Variants in ZNF280D observed in about 807,000 individuals in gnomAD.
The protein encoded by ZNF280D is suppressor of hairy wing homolog 4.
In ZNF280D, 39 loss-of-function variants were observed where a neutral mutation model predicts 94.7. The observed-to-expected ratio is 0.41, with a 90% confidence interval of 0.32 to 0.54. ZNF280D has a LOEUF of 0.54. ZNF280D is among the 20% of genes least tolerant of loss of function. ZNF280D has a pLI of 0.22. For missense variants in ZNF280D, 1,090 were observed against 1,149.3 expected, an observed-to-expected ratio of 0.95 and a Z score of 0.75; for synonymous variants, 398 against 377.6, an observed-to-expected ratio of 1.05 and a Z score of -0.63.
intron 16 of ZNF280D, among the ~76,000 whole-genome samples, chr15:56,660,168 C>T (rs1398312545): frequency 6.6e-6 from 1 of 152,082 alleles, no homozygotes; most frequent in African/African-American, 2.4e-5. Flanking sequence ...GTATACACAA[C>T]TATATTTCCT....
At chr15:56,658,905 G>A (rs548840746) in intron 16 of ZNF280D, among the ~76,000 whole-genome samples, 2 of 152,220 alleles carry the variant, frequency 1.3e-5, no homozygotes, top group South Asian at 2.1e-4. Flanking sequence ...ACATGTTTGT[G>A]TAGGGGGAGT....
At chr15:56,675,350 G>C (rs530527419) in intron 13 of ZNF280D, among the ~76,000 whole-genome samples, 11 of 151,894 alleles carry the variant, frequency 7.2e-5, no homozygotes, top group African/African-American at 2.7e-4. Context: ...CAAAATTAAA[G>C]TCCAAAGATG....
chr15:56,704,699 G>C lies in ZNF280D; in HGVS notation c.29-432C>G, dbSNP rs532840757. On this transcript the variant is annotated intron_variant, in intron 3 of 21. Coordinates refer to ENST00000267807, the MANE Select transcript of ZNF280D (RefSeq NM_017661.4). ...AAACCAGATTCAAGAATGCCAGGCA[G>C]GATGGGAGCAGTGGCTCACACTTGT... Among the ~76,000 whole-genome samples the C allele has an allele frequency of 5.3e-5, 8 of 152,302 alleles. No individual in the cohort carries two copies. In the South Asian group the frequency reaches 1.7e-3, roughly 32 times the overall value.
chr15:56,638,149 T>G (rs1487280133), intron 20 of ZNF280D, among the ~76,000 whole-genome samples: 1 of 152,148 alleles, frequency 6.6e-6, no homozygotes, highest in Admixed American at 6.6e-5. Context: ...TCGTTTCCAG[T>G]AATAAAATCA....
At chr15:56,684,671 T>C (rs961179930) in intron 9 of ZNF280D, among the ~76,000 whole-genome samples, 3 of 149,696 alleles carry the variant, frequency 2.0e-5, no homozygotes, top group Non-Finnish European at 3.0e-5. Context: ...CAGTGGTGAG[T>C]AGACATTGCA....
intron 13 of ZNF280D, among the ~76,000 whole-genome samples, chr15:56,670,009 A>ATATATATATATAAT (rs56365440): frequency 3.4e-4 from 1 of 2,982 alleles, no homozygotes; most frequent in African/African-American, 1.9e-3. Flanking sequence ...ATATATATAT[A>ATATATATATATAAT]ATATATATAT....
chr15:56,660,698 TG>T (rs1243638165), intron 16 of ZNF280D, among the ~76,000 whole-genome samples: 2 of 152,150 alleles, frequency 1.3e-5, no homozygotes. Context: ...ATCCCTTACT[TG>T]ATTAGCTGAC....
chr15:56,643,103 A>G, intron 19 of ZNF280D, 106 bp from the exon 20 acceptor site: 1 of 676,310 alleles, frequency 1.5e-6, no homozygotes, highest in Non-Finnish European at 2.2e-6. Context: ...GTAGATCGAA[A>G]CTAATGTACA....
At chr15:56,687,090 A>G (rs2056076111) in intron 9 of ZNF280D, among the ~76,000 whole-genome samples, 1 of 152,124 alleles carries the variant, frequency 6.6e-6, no homozygotes, top group Non-Finnish European at 1.5e-5. Context: ...AAAAATATAT[A>G]AACTAGAAAA....
At chr15:56,653,983 A>T in intron 19 of ZNF280D, 2 of 1,414,430 alleles carry the variant, frequency 1.4e-6, no homozygotes, top group South Asian at 1.7e-5. Context: ...GTAAGAAAAC[A>T]TCTCAGAACT....
chr15:56,682,306 G>C lies in ZNF280D; in HGVS notation c.952C>G (p.His318Asp). ...CAACTGAAGCATTTAAAGGTTGTGT[G>C]AGTCTTCTGTTCCTCCTGGACATCT... ...EGDVQEEQKTHTTFKCFSCLK... is the reference protein window; with the variant it reads ...EGDVQEEQKTDTTFKCFSCLK... The change falls in exon 10 of 22, where the codon CAC becomes GAC. Residue 318 changes from histidine to aspartate, a missense_variant. By Grantham distance (81) the His-to-Asp change is moderately conservative. Transcript: ENST00000267807. The C allele has an allele frequency of 6.3e-7, 1 of 1,590,342 alleles. No homozygotes were observed. The highest frequency in any genetic ancestry group is 8.5e-7 in the Non-Finnish European group (1 of 1,173,378).
At chr15:56,646,401 C>G (rs1322447988) in intron 19 of ZNF280D, among the ~76,000 whole-genome samples, 1 of 152,078 alleles carries the variant, frequency 6.6e-6, no homozygotes, top group Admixed American at 6.6e-5. Flanking sequence ...TGCAATCCAG[C>G]CCTCTGGCTT....
intron 6 of ZNF280D, among the ~76,000 whole-genome samples, chr15:56,696,752 A>AC (rs1431857680): frequency 1.3e-5 from 2 of 152,230 alleles, no homozygotes; most frequent in Non-Finnish European, 2.9e-5. Context: ...GTCATTCTTA[A>AC]CTTTGACTGC....
At chr15:56,657,195 T>G (rs2053605393) in intron 17 of ZNF280D, among the ~76,000 whole-genome samples, 1 of 152,088 alleles carries the variant, frequency 6.6e-6, no homozygotes. Flanking sequence ...ACAATAGCGC[T>G]CAGTGGATTC....
intron 13 of ZNF280D, among the ~76,000 whole-genome samples, chr15:56,674,159 A>G (rs2055059644): frequency 6.6e-6 from 1 of 152,082 alleles, no homozygotes; most frequent in Non-Finnish European, 1.5e-5. Context: ...CAAGAGATTA[A>G]CAGAGAAAAT....
chr15:56,700,068 AAC>A (rs2056967826), intron 6 of ZNF280D: 1 of 314,184 alleles, frequency 3.2e-6, no homozygotes, highest in Non-Finnish European at 4.6e-6. Flanking sequence ...TTATAATGAC[AAC>A]ACTGTTGACC....
Position 56,630,282 on chromosome 15 carries a change from T to G in ZNF280D, c.*1216A>C, listed in dbSNP as rs904904251. The stretch of plus-strand genomic sequence containing the variant: ...CATTGAACATTCAGTGAAACAAAAT[T>G]TAAGAATCCAAAGCACATTTTAAGA... On this transcript the variant is annotated 3_prime_UTR_variant, in exon 22 of 22. Coordinates refer to ENST00000267807, the MANE Select transcript of ZNF280D (RefSeq NM_017661.4). 1.3e-5 allele frequency: 2 copies of G among 152,068 alleles called. No homozygotes were observed. Among genetic ancestry groups the G allele is most frequent in the Non-Finnish European group, 2.9e-5 (2 of 67,976 alleles). 9.4% of individuals were successfully genotyped at this position (152,068 alleles called of 1,614,324 possible).
intron 13 of ZNF280D, among the ~76,000 whole-genome samples, chr15:56,669,914 T>TTATATATATTATATATATATTA (rs2054634615): frequency 3.7e-4 from 1 of 2,678 alleles, no homozygotes; most frequent in African/African-American, 1.0e-3. Context: ...TATATATATA[T>TTATATATATTATATATATATTA]TATATATATA....
chr15:56,730,236 A>C (rs2058822079), intron 1 of ZNF280D: 1 of 152,218 alleles, frequency 6.6e-6, no homozygotes, highest in South Asian at 2.1e-4. Flanking sequence ...CATTATTTAA[A>C]TCACTATTTA....
Sources: allele counts gnomAD v4.1 joint callset (sites outside exome capture counted in the v4.1 genomes callset), GRCh38; gene constraint gnomAD v4.1.1; transcripts MANE v1.5; gene names NCBI Gene and HGNC (gene_info 2026-07-23, HGNC 2026-07-21).